The following DIAPH2 variants were observed in gnomAD, a reference collection of about 807,000 sequenced individuals.
The protein encoded by DIAPH2 is diaphanous related formin 2.
DIAPH2 carries 35 observed loss-of-function variants against 92.7 expected under a neutral mutation model. The observed-to-expected ratio is 0.38, with a 90% CI of 0.29 to 0.50. The LOEUF is 0.50. Ranked by LOEUF, DIAPH2 falls within the 20% of genes least tolerant of loss-of-function variation. The pLI is 0.94. For synonymous variants in DIAPH2, 301 were observed against 280.4 expected (o/e 1.07, Z -0.73); for missense variants, 701 against 819.5 (o/e 0.86, Z 1.77).
At chrX:97,051,046 T>C (rs1304022774) in intron 17 of DIAPH2, among the ~76,000 whole-genome samples, 4 of 111,997 alleles carry the variant, frequency 3.6e-5, no homozygotes, top group African/African-American at 9.7e-5. Context: ...AGTAAGTTTT[T>C]ATTCTCATTG....
intron 22 of DIAPH2, among the ~76,000 whole-genome samples, chrX:97,192,178 C>T (rs1417863096): frequency 2.8e-5 from 3 of 106,700 alleles, no homozygotes; most frequent in Admixed American, 2.0e-4. Context: ...TAGGTGCTCG[C>T]AGCTACTTGG....
rs139806114 is a variant in DIAPH2, at chrX:97,422,498, G to A, written c.3146-7152G>A. 6.1e-3 allele frequency among the ~76,000 whole-genome samples: 685 copies of A among 111,720 alleles called. 2 individuals carry two copies. The highest frequency in any genetic ancestry group is 0.021 in the African/African-American group (641 of 30,761). ...AGAAGGGTCCTACTTTCAGTAAGAA[G>A]CCTTTTGCTTCTATGGGATCATTTA... On this transcript the variant is annotated intron_variant, in intron 25 of 26. Transcript: ENST00000324765.
chrX:96,896,425 A>G (rs1044125493), intron 5 of DIAPH2, among the ~76,000 whole-genome samples: 1 of 111,810 alleles, frequency 8.9e-6, no homozygotes, highest in African/African-American at 3.2e-5. Flanking sequence ...TTGTTTTACT[A>G]TTAGGAAGCT....
chrX:96,757,890 G>T (rs1289829765), intron 3 of DIAPH2, among the ~76,000 whole-genome samples: 1 of 111,798 alleles, frequency 8.9e-6, no homozygotes, highest in African/African-American at 3.2e-5. Flanking sequence ...TTATTCTGTG[G>T]AATAGTTTTA....
At chrX:97,097,586 G>C (rs1426905071) in intron 19 of DIAPH2, among the ~76,000 whole-genome samples, 2 of 111,817 alleles carry the variant, frequency 1.8e-5, no homozygotes, top group African/African-American at 6.5e-5. Context: ...TTATATTTTA[G>C]GCTTGATTCA....
intron 17 of DIAPH2, among the ~76,000 whole-genome samples, chrX:97,043,948 C>T (rs919123567): frequency 8.9e-6 from 1 of 111,878 alleles, no homozygotes; most frequent in Non-Finnish European, 1.9e-5. Context: ...TTGAAATGGG[C>T]ATAGTTTTTA....
intron 19 of DIAPH2, among the ~76,000 whole-genome samples, chrX:97,092,279 T>A (rs1348421867): frequency 2.7e-5 from 3 of 112,933 alleles, no homozygotes; most frequent in Non-Finnish European, 5.6e-5. Context: ...ATTTTAGGTG[T>A]TCTGTAAATT....
At chrX:97,376,486 A>G (rs1409324697) in intron 24 of DIAPH2, among the ~76,000 whole-genome samples, 1 of 112,236 alleles carries the variant, frequency 8.9e-6, no homozygotes, top group Non-Finnish European at 1.9e-5. Context: ...GTGCACGCAC[A>G]TATGTGGACA....
At chrX:96,825,207 C>A (rs1024498215) in intron 4 of DIAPH2, among the ~76,000 whole-genome samples, 1 of 108,108 alleles carries the variant, frequency 9.3e-6, no homozygotes, top group Non-Finnish European at 1.9e-5. Flanking sequence ...CCACTGGCCT[C>A]GGCCTCCCAA....
At chrX:96,858,862 T>G (rs1218222994) in intron 4 of DIAPH2, among the ~76,000 whole-genome samples, 1 of 111,898 alleles carries the variant, frequency 8.9e-6, no homozygotes, top group Non-Finnish European at 1.9e-5. Flanking sequence ...GACAGATATG[T>G]CCGCTTCTCT....
intron 22 of DIAPH2, among the ~76,000 whole-genome samples, chrX:97,236,702 G>T (rs2068050776): frequency 9.2e-6 from 1 of 108,960 alleles, no homozygotes; most frequent in Non-Finnish European, 1.9e-5. Flanking sequence ...CCGCAACCAC[G>T]CCCGGCTAAT....
chrX:96,914,943 G>A (rs965773373), intron 7 of DIAPH2, among the ~76,000 whole-genome samples: 3 of 110,884 alleles, frequency 2.7e-5, no homozygotes, highest in Non-Finnish European at 5.7e-5. Context: ...CCAGATCAAG[G>A]AATTAAGCTT....
chrX:97,142,946 A>G (rs1164749700), intron 22 of DIAPH2, among the ~76,000 whole-genome samples: 1 of 111,884 alleles, frequency 8.9e-6, no homozygotes, highest in Non-Finnish European at 1.9e-5. Flanking sequence ...AACATTGTGC[A>G]GTGGTCATCT....
At chrX:97,214,871 T>G (rs915963882) in intron 22 of DIAPH2, among the ~76,000 whole-genome samples, 67 of 108,185 alleles carry the variant, frequency 6.2e-4, no homozygotes, top group African/African-American at 2.0e-3. Context: ...ATCCTAAATT[T>G]TAAAATGACG....
chrX:96,860,257 C>T (rs904275520), intron 4 of DIAPH2, among the ~76,000 whole-genome samples: 4 of 111,674 alleles, frequency 3.6e-5, no homozygotes, highest in Non-Finnish European at 3.8e-5. Context: ...TTATTACACA[C>T]GGGATTAATA....
At chrX:97,425,037 T>A (rs900810777) in intron 25 of DIAPH2, among the ~76,000 whole-genome samples, 1 of 112,741 alleles carries the variant, frequency 8.9e-6, no homozygotes, top group Non-Finnish European at 1.9e-5. Context: ...TTTTTATGTT[T>A]GCATATTATT....
rs2071597555 is a variant in DIAPH2, at chrX:97,601,727, T to TAA, written c.*2411_*2412dup. 8.9e-6 allele frequency: 1 copy of TAA among 112,304 alleles called. No individual in the cohort carries two copies. 9.3% of individuals were successfully genotyped at this position (112,304 alleles called of 1,213,427 possible). On this transcript the variant is annotated 3_prime_UTR_variant, in exon 27 of 27. Transcript: ENST00000324765. ...AAAAGGTACAGAATCCTTAAAATATTAACAACTAATTGCATCCATCATCTC... is the reference window on the plus strand; with the variant it reads ...AAAAGGTACAGAATCCTTAAAATATTAAAACAACTAATTGCATCCATCATCTC...
intron 26 of DIAPH2, among the ~76,000 whole-genome samples, chrX:97,577,280 T>C (rs1294702949): frequency 1.8e-5 from 2 of 112,415 alleles, no homozygotes; most frequent in Non-Finnish European, 3.8e-5. Context: ...CATATTTCTA[T>C]GTCTATAAAT....
chrX:97,076,617 C>T (rs115994140), intron 19 of DIAPH2, among the ~76,000 whole-genome samples: 2,693 of 111,478 alleles, frequency 0.024, 89 homozygotes, highest in African/African-American at 0.083. Flanking sequence ...TTGCCATATT[C>T]CCTGCAAACT....
Sources: gnomAD v4.1 joint callset for allele counts (sites outside exome capture counted in the v4.1 genomes callset) on GRCh38, gnomAD v4.1.1 for gene constraint, MANE v1.5 for transcripts, NCBI Gene and HGNC (gene_info 2026-07-23, HGNC 2026-07-21) for gene names.